TCAF1: variants seen among roughly 807,000 people sequenced by gnomAD.
The protein encoded by TCAF1 is TRPM8 channel associated factor 1, also known as TRPM8 channel-associated factor 1.
TCAF1 carries 4 observed loss-of-function variants against 27.3 expected under a neutral mutation model. That is an observed-to-expected ratio of 0.15 (90% CI 0.07 to 0.34). The LOEUF (loss-of-function observed/expected upper bound fraction) is 0.34, where lower values mean the gene tolerates loss of function less well. Ranked by LOEUF, TCAF1 falls within the 10% of genes least tolerant of loss-of-function variation. The probability of loss-of-function intolerance (pLI) is 1.00; values close to 1 mark genes in which losing one functional copy is unlikely to be tolerated. For missense variants in TCAF1, 257 were observed against 425.8 expected (o/e 0.60, Z 3.49); for synonymous variants, 105 against 167.1 (o/e 0.63, Z 2.87).
rs758300611 is a variant in TCAF1 at position 143,876,068 on chromosome 7, T to C, written c.541A>G (p.Ile181Val). 3.7e-6 allele frequency: 6 copies of C among 1,611,198 alleles called. No individual in the cohort carries two copies. In the South Asian group the frequency reaches 6.6e-5, roughly 18 times the overall value. The change falls in exon 2 of 9, where the codon ATT becomes GTT. Residue 181 changes from isoleucine to valine, a missense_variant. Ile to Val is a conservative substitution (Grantham distance 29). Coordinates refer to ENST00000479870, the MANE Select transcript of TCAF1 (RefSeq NM_014719.3). ...TCCCCTTTGTTGTCAGTAAAGTAAATGCCAGCCACACTGGTCACGAGGTTC... is the reference window on the plus strand; with the variant it reads ...TCCCCTTTGTTGTCAGTAAAGTAAACGCCAGCCACACTGGTCACGAGGTTC... ...PGNLVTSVAG[I>V]YFTDNKGDTS...
intron 1 of TCAF1, chr7:143,882,504 G>A (rs1252069900): frequency 1.0e-6 from 1 of 985,372 alleles, no homozygotes; most frequent in Non-Finnish European, 1.2e-6. Flanking sequence ...GCGGCAGGGG[G>A]ATGCGGGACC....
intron 1 of TCAF1, among the ~76,000 whole-genome samples, chr7:143,883,552 C>A (rs111951281): frequency 1.0e-4 from 14 of 133,376 alleles, no homozygotes; most frequent in African/African-American, 3.8e-4. Context: ...GTCGCCCAGG[C>A]TGCAGTGCAA....
intron 1 of TCAF1, among the ~76,000 whole-genome samples, chr7:143,893,498 A>T (rs1813742481): frequency 1.3e-5 from 2 of 152,090 alleles, no homozygotes; most frequent in Admixed American, 1.3e-4. Flanking sequence ...ACATTTTCTC[A>T]AATAAAACAT....
At position 143,860,014 on chromosome 7, in the gene TCAF1, T is replaced by TATATA. The variant is rs1811910299; in HGVS notation, c.2167+189_2167+193dup. Among the ~76,000 whole-genome samples, 42 of 53,610 alleles carry TATATA rather than the reference T, an allele frequency of 7.8e-4. 2 individuals carry two copies. Among genetic ancestry groups the TATATA allele is most frequent in the Non-Finnish European group, 1.3e-3 (36 of 28,590 alleles). The allele number at this position is 53,610 out of a possible 152,430, so 35.2% of individuals were successfully genotyped here. On this transcript the variant is annotated intron_variant, in intron 6 of 8. Coordinates refer to ENST00000479870, the MANE Select transcript of TCAF1 (RefSeq NM_014719.3). ...TATATATTATATAATATATATATAA[T>TATATA]ATATATTATATATTATATATATAAT...
At chr7:143,885,990 TATG>T (rs372252199) in intron 1 of TCAF1, among the ~76,000 whole-genome samples, 10 of 152,224 alleles carry the variant, frequency 6.6e-5, no homozygotes, top group African/African-American at 2.4e-4. Flanking sequence ...TCTCTACAAA[TATG>T]ATTTCTCCCT....
chr7:143,887,495 G>C (rs1031320106), intron 1 of TCAF1, among the ~76,000 whole-genome samples: 2 of 152,120 alleles, frequency 1.3e-5, no homozygotes, highest in African/African-American at 4.8e-5. Context: ...TTTTGAAAAT[G>C]TTACAAGTAT....
intron 1 of TCAF1, among the ~76,000 whole-genome samples, chr7:143,886,172 T>C (rs1420410457): frequency 6.6e-6 from 1 of 152,184 alleles, no homozygotes; most frequent in East Asian, 1.9e-4. Context: ...TCTCTTTTTA[T>C]GGCTGGTCCC....
At chr7:143,882,789 CAG>C in intron 1 of TCAF1, 1 of 985,704 alleles carries the variant, frequency 1.0e-6, no homozygotes, top group Non-Finnish European at 1.2e-6. Context: ...GAGCCTGGCG[CAG>C]AGAGGAATGC....
At chr7:143,896,286 T>C (rs543331353) in intron 1 of TCAF1, among the ~76,000 whole-genome samples, 4 of 152,090 alleles carry the variant, frequency 2.6e-5, no homozygotes, top group Non-Finnish European at 4.4e-5. Context: ...GTCCCTACAT[T>C]ATGATAAAAT....
intron 1 of TCAF1, among the ~76,000 whole-genome samples, chr7:143,894,336 T>C (rs76163801): frequency 0.022 from 3,326 of 151,862 alleles, 136 homozygotes; most frequent in African/African-American, 0.074. Flanking sequence ...GACTAGTAAA[T>C]GAAGAAACTC....
chr7:143,859,694 A>T (rs1442036974), intron 6 of TCAF1, among the ~76,000 whole-genome samples: 1 of 145,480 alleles, frequency 6.9e-6, no homozygotes. Context: ...AGATCGCTTT[A>T]TTCAGTGTGT....
rs1811430701 is a variant in TCAF1, at chr7:143,853,521, AC to A, written c.*611del. ...GCCCATGTCTGGGAATTTCTAACTCACCATTCCCATTTAAAAATCAACATAA... is the reference window on the plus strand; with the variant it reads ...GCCCATGTCTGGGAATTTCTAACTCACATTCCCATTTAAAAATCAACATAA... On this transcript the variant is annotated 3_prime_UTR_variant, in exon 9 of 9. Transcript: ENST00000479870. The A allele has an allele frequency of 2.4e-5, 1 of 41,976 alleles. No homozygotes were observed. The highest frequency in any genetic ancestry group is 5.4e-5 in the African/African-American group (1 of 18,424). The allele number at this position is 41,976 out of a possible 1,614,324, so 2.6% of individuals were successfully genotyped here.
chr7:143,876,201 T>C lies in TCAF1; in HGVS notation c.408A>G (p.Glu136=), dbSNP rs753014947. Residue 136 remains glutamate (E), a synonymous_variant, in exon 2 of 9, where the codon GAA becomes GAG. Coordinates refer to ENST00000479870, the MANE Select transcript of TCAF1 (RefSeq NM_014719.3). ...CIDAYNETMT[E]KLVKFMKCGG... The stretch of plus-strand genomic sequence containing the variant: ...CACATTTCATGAACTTGACCAGCTT[T>C]TCTGTCATGGTTTCATTGTAGGCAT... The C allele has an allele frequency of 6.2e-7, 1 of 1,614,208 alleles. No homozygotes were observed. Among genetic ancestry groups the C allele is most frequent in the Non-Finnish European group, 8.5e-7 (1 of 1,180,040 alleles).
chr7:143,868,453 AT>A (rs1263112114), intron 2 of TCAF1, among the ~76,000 whole-genome samples: 16 of 139,230 alleles, frequency 1.1e-4, no homozygotes, highest in East Asian at 4.2e-4. Context: ...ATATTTTAGG[AT>A]TTTTTTTTAC....
At chr7:143,895,599 T>C (rs1230793197) in intron 1 of TCAF1, among the ~76,000 whole-genome samples, 1 of 151,728 alleles carries the variant, frequency 6.6e-6, no homozygotes, top group Non-Finnish European at 1.5e-5. Flanking sequence ...TGTACACTTA[T>C]TATTTGTGAA....
chr7:143,901,446 T>C (rs1345824906), intron 1 of TCAF1, among the ~76,000 whole-genome samples: 1 of 152,222 alleles, frequency 6.6e-6, no homozygotes, highest in African/African-American at 2.4e-5. Context: ...CACCCAGCAC[T>C]TGCTGCTTCA....
chr7:143,895,203 T>G (rs1188702469), intron 1 of TCAF1, among the ~76,000 whole-genome samples: 2 of 151,832 alleles, frequency 1.3e-5, no homozygotes, highest in African/African-American at 4.8e-5. Context: ...TCATGAGAAG[T>G]AAGTTTTTAT....
intron 1 of TCAF1, among the ~76,000 whole-genome samples, chr7:143,898,686 G>T (rs1286182231): frequency 1.3e-5 from 2 of 152,112 alleles, no homozygotes; most frequent in African/African-American, 2.4e-5. Context: ...GACTTAAATA[G>T]TGTCATATAC....
At chr7:143,882,917 A>G in intron 1 of TCAF1, 1 of 971,272 alleles carries the variant, frequency 1.0e-6, no homozygotes, top group Non-Finnish European at 1.2e-6. Flanking sequence ...CCTCCTCCCC[A>G]CTTCCTCCCA....
Sources: allele counts gnomAD v4.1 joint callset (sites outside exome capture counted in the v4.1 genomes callset), GRCh38; gene constraint gnomAD v4.1.1; transcripts MANE v1.5; gene names NCBI Gene and HGNC (gene_info 2026-07-23, HGNC 2026-07-21).